Variants in CCDC33 observed in about 807,000 individuals in gnomAD.
CCDC33 encodes coiled-coil domain-containing protein 33.
In CCDC33, 94 loss-of-function variants were observed where a neutral mutation model predicts 91.9. That is an observed-to-expected ratio of 1.02 (90% CI 0.87 to 1.21). The LOEUF (loss-of-function observed/expected upper bound fraction) is 1.21, where lower values mean the gene tolerates loss of function less well. Among genes scored for constraint, CCDC33 ranks in the 50% most tolerant of loss-of-function variants. CCDC33 has a pLI of 0.00. For missense variants in CCDC33, 940 were observed against 935.5 expected (o/e 1.00, Z -0.06); for synonymous variants, 396 against 374.5 (o/e 1.06, Z -0.66).
Position 74,238,573 on chromosome 15 carries a change from C to T in CCDC33, c.21+1833C>T, listed in dbSNP as rs145768322. Among the ~76,000 whole-genome samples, 62 of 152,186 alleles carry T rather than the reference C, an allele frequency of 4.1e-4. 1 individual carries two copies. The highest frequency in any genetic ancestry group is 1.5e-3 in the African/African-American group (62 of 41,514). Reference sequence around the variant, plus strand: ...AATCCTTTTTTAAATATGCAGCAAACATTTTCTCCTTTTTTTCTTTTCTTT... The same window carrying T: ...AATCCTTTTTTAAATATGCAGCAAATATTTTCTCCTTTTTTTCTTTTCTTT... On this transcript the variant is annotated intron_variant, in intron 1 of 18. Transcript: ENST00000398814.
At chr15:74,229,671 G>A (rs2074907859) in intron 2 of CCDC33, among the ~76,000 whole-genome samples, 1 of 152,246 alleles carries the variant, frequency 6.6e-6, no homozygotes, top group Non-Finnish European at 1.5e-5. Context: ...GGCACTGGGG[G>A]CTTGGACTGT....
Position 74,218,607 on chromosome 15 carries a change from A to G in CCDC33, c.421A>G (p.Ile141Val), listed in dbSNP as rs2074508043. ...GCGGGTGGGTGAGGCCATCTTCCCC[A>G]TCTACCCGAGGCCAGACCAACCCCG... The change falls in exon 2 of 3, where the codon ATC (isoleucine) becomes GTC (valine). Residue 141 changes from isoleucine (I) to valine (V), a missense_variant. By Grantham distance (29) the Ile-to-Val change is conservative. Transcript: ENST00000635913. This position sits in a 1 kb window ranked among gnomAD's most constrained non-coding sequence, Gnocchi z 4.8. 7.0e-6 allele frequency: 9 copies of G among 1,289,792 alleles called. No individual in the cohort carries two copies. The highest frequency in any genetic ancestry group is 9.1e-6 in the Non-Finnish European group (9 of 988,874). 79.9% of individuals were successfully genotyped at this position (1,289,792 alleles called of 1,614,324 possible). A position where few individuals can be genotyped will look rare whatever the true frequency, so the allele number is the denominator to read the frequency against.
chr15:74,218,992 G>C lies in CCDC33; in HGVS notation c.675+131G>C. ...GCAGCAGAGCTCCCAAGGCTGCCATGTTCAGTCTGAGGAACGTGCAGTCTG... is the reference window on the plus strand; with the variant it reads ...GCAGCAGAGCTCCCAAGGCTGCCATCTTCAGTCTGAGGAACGTGCAGTCTG... On this transcript the variant is annotated intron_variant, in intron 2 of 2. Coordinates refer to the CCDC33 transcript ENST00000635913. The surrounding 1 kb of genome is among the most constrained non-coding windows in gnomAD (Gnocchi z 4.8). The C allele has an allele frequency of 1.0e-6, 1 of 971,310 alleles. No homozygotes were observed. Among genetic ancestry groups the C allele is most frequent in the Non-Finnish European group, 1.3e-6 (1 of 751,816 alleles). 60.2% of individuals were successfully genotyped at this position (971,310 alleles called of 1,614,324 possible). A position where few individuals can be genotyped will look rare whatever the true frequency, so the allele number is the denominator to read the frequency against.
chr15:74,244,120 G>A lies in CCDC33; in HGVS notation c.157G>A (p.Gly53Ser). 2 of 1,613,586 alleles carry A rather than the reference G, an allele frequency of 1.2e-6. No homozygotes were observed. The highest frequency in any genetic ancestry group is 2.2e-5 in the East Asian group (1 of 44,878). ...GATNLPACKD[G>S]SEPWPYVVVK... ...TACCAACCTGCCTGCCTGCAAGGAT[G>A]GCTCCGAGCCGTGGCCCTATGTGGT... Residue 53 changes from glycine to serine, a missense_variant, in exon 2 of 19, where the codon GGC becomes AGC. Physicochemically the swap from Gly to Ser is moderately conservative, Grantham distance 56 (BLOSUM62 0). Transcript: ENST00000398814. The surrounding 1 kb of genome is among the most constrained non-coding windows in gnomAD (Gnocchi z 4.2).
At chr15:74,225,854 G>A (rs1440137346) in intron 2 of CCDC33, among the ~76,000 whole-genome samples, 1 of 152,156 alleles carries the variant, frequency 6.6e-6, no homozygotes, top group Non-Finnish European at 1.5e-5. Flanking sequence ...TGAGGGGTAG[G>A]GCTGTTAGGC....
At chr15:74,290,591 C>T (rs892998622) in intron 10 of CCDC33, among the ~76,000 whole-genome samples, 1 of 152,116 alleles carries the variant, frequency 6.6e-6, no homozygotes, top group African/African-American at 2.4e-5. Context: ...GAGCTCTGTT[C>T]CAAATAGTGG....
intron 11 of CCDC33, among the ~76,000 whole-genome samples, chr15:74,308,225 C>T (rs1441377867): frequency 6.6e-6 from 1 of 152,154 alleles, no homozygotes; most frequent in African/African-American, 2.4e-5. Flanking sequence ...CTGTCCCTCC[C>T]CCAACCCTCA....
chr15:74,234,409 C>T (rs150500797), upstream of CCDC33, among the ~76,000 whole-genome samples: 108 of 152,318 alleles, frequency 7.1e-4, no homozygotes, highest in Non-Finnish European at 1.3e-3. Context: ...ATATAGAGCT[C>T]ACCTTGCTGG....
rs191119756 is a variant in CCDC33, at chr15:74,236,642, A to T, written c.-78A>T. 347 of 1,409,058 alleles carry T rather than the reference A, an allele frequency of 2.5e-4. 2 individuals are homozygous for T. In the African/African-American group the frequency reaches 4.4e-3, roughly 18 times the overall value. The allele number at this position is 1,409,058 out of a possible 1,614,324, so 87.3% of individuals were successfully genotyped here. A position where few individuals can be genotyped will look rare whatever the true frequency, so the allele number is the denominator to read the frequency against. ...CAGGCCAGCTGTCTGGGCAGGACTG[A>T]TTCCTGATCACCCACTGATACCAAG... On this transcript the variant is annotated 5_prime_UTR_variant, in exon 1 of 19. Coordinates refer to ENST00000398814, the MANE Select transcript of CCDC33 (RefSeq NM_025055.5).
In CCDC33 at chr15:74,261,160, T is replaced by G. The variant is rs115780079; in HGVS notation, c.186-1280T>G. Reference sequence around the variant, plus strand: ...CTCAGTCAAAGCACAGCAGGAGTCCTCAGTTGACCCCTGGAACTTGGAGAT... The same window carrying G: ...CTCAGTCAAAGCACAGCAGGAGTCCGCAGTTGACCCCTGGAACTTGGAGAT... On this transcript the variant is annotated intron_variant, in intron 2 of 18. Transcript: ENST00000398814. 5.9e-3 allele frequency among the ~76,000 whole-genome samples: 892 copies of G among 152,270 alleles called. 8 individuals are homozygous for G. Among genetic ancestry groups the G allele is most frequent in the African/African-American group, 0.02 (839 of 41,564 alleles).
At chr15:74,282,939 A>G (rs1566997315) in intron 10 of CCDC33, among the ~76,000 whole-genome samples, 1 of 152,190 alleles carries the variant, frequency 6.6e-6, no homozygotes, top group Admixed American at 6.5e-5. Flanking sequence ...GCAGGGACTA[A>G]TGTCCGCGCC....
chr15:74,333,300 GCA>G, intron 16 of CCDC33: 1 of 1,594,658 alleles, frequency 6.3e-7, no homozygotes. Context: ...CACTCAGAGT[GCA>G]CAGAGACCCT....
chr15:74,320,252 T>C (rs1030528677), intron 11 of CCDC33, among the ~76,000 whole-genome samples: 8 of 152,226 alleles, frequency 5.3e-5, no homozygotes, highest in African/African-American at 1.4e-4. Context: ...GACAGACCTG[T>C]GTACTTTGCT....
At chr15:74,246,861 A>C (rs145673554) in intron 2 of CCDC33, among the ~76,000 whole-genome samples, 4 of 152,334 alleles carry the variant, frequency 2.6e-5, no homozygotes, top group African/African-American at 9.6e-5. Context: ...TTGAAAAGAT[A>C]TCGGGCCGGG....
chr15:74,324,903 A>C (rs1596125062), intron 11 of CCDC33, among the ~76,000 whole-genome samples: 30 of 68,130 alleles, frequency 4.4e-4, no homozygotes, highest in Non-Finnish European at 5.2e-4. Flanking sequence ...CCTCCTTCCC[A>C]CTCCAGGCAT....
At chr15:74,233,286 T>C (rs1364378543), upstream of CCDC33, among the ~76,000 whole-genome samples, 3 of 152,248 alleles carry the variant, frequency 2.0e-5, no homozygotes, top group African/African-American at 2.4e-5. Context: ...TTGATTATTT[T>C]GACTGTTGTC....
intron 11 of CCDC33, among the ~76,000 whole-genome samples, chr15:74,323,926 C>T (rs2060255968): frequency 6.6e-6 from 1 of 151,354 alleles, no homozygotes; most frequent in South Asian, 2.1e-4. Flanking sequence ...CCCGTCTCTA[C>T]TAAAAATACA....
At chr15:74,254,809 G>A (rs2075813693) in intron 2 of CCDC33, among the ~76,000 whole-genome samples, 1 of 139,144 alleles carries the variant, frequency 7.2e-6, no homozygotes, top group Non-Finnish European at 1.5e-5. Flanking sequence ...GTGCAATGAT[G>A]TGATCTCGGC....
chr15:74,226,603 C>T (rs985681170), intron 2 of CCDC33, among the ~76,000 whole-genome samples: 1 of 152,010 alleles, frequency 6.6e-6, no homozygotes, highest in African/African-American at 2.4e-5. Flanking sequence ...TCAAGGCAGG[C>T]AGATCACAAG....
Sources: allele counts gnomAD v4.1 joint callset (sites outside exome capture counted in the v4.1 genomes callset), GRCh38; gene constraint gnomAD v4.1.1; non-coding constraint Gnocchi (gnomAD v3.1); transcripts MANE v1.5; gene names NCBI Gene and HGNC (gene_info 2026-07-23, HGNC 2026-07-21).